The following ADAP1 variants were observed in gnomAD, a reference collection of about 807,000 sequenced individuals.
ADAP1 encodes arf-GAP with dual PH domain-containing protein 1.
Under a neutral mutation model 54.9 loss-of-function variants are expected in ADAP1, and 31 were observed. The ratio of observed to expected loss-of-function variants is 0.56; its 90% CI spans 0.42 to 0.76. The LOEUF is 0.76. ADAP1 is among the 30% of genes least tolerant of loss of function. The pLI is 0.00. For synonymous variants in ADAP1, 313 were observed against 202.6 expected, an observed-to-expected ratio of 1.55 and a Z score of -4.63; for missense variants, 535 against 512.4, an observed-to-expected ratio of 1.04 and a Z score of -0.42.
At position 946,824 on chromosome 7, in the gene ADAP1, T is replaced by C. The variant is rs1025919577; in HGVS notation, c.82+7572A>G. On this transcript the variant is annotated intron_variant, in intron 1 of 10. Coordinates refer to ENST00000265846, the MANE Select transcript of ADAP1 (RefSeq NM_006869.4). This position sits in a 1 kb window ranked among gnomAD's most constrained non-coding sequence, Gnocchi z 4.3. ...GCATGGAGAACGTTCTAAATGCCAC[T>C]GAATTTTCACTTTGAAATGATTAAC... Among the ~76,000 whole-genome samples the C allele has an allele frequency of 3.9e-5, 6 of 152,216 alleles. No individual in the cohort carries two copies. The highest frequency in any genetic ancestry group is 2.0e-4 in the Admixed American group (3 of 15,282).
chr7:927,075 G>T (rs1389503660), intron 2 of ADAP1: 2 of 1,298,114 alleles, frequency 1.5e-6, no homozygotes, highest in Admixed American at 2.4e-5. Flanking sequence ...AGAGCCAACA[G>T]GCGCCAGACA....
At chr7:942,902 T>G (rs374734055) in intron 1 of ADAP1, among the ~76,000 whole-genome samples, 184 of 3,454 alleles carry the variant, frequency 0.053, no homozygotes, top group East Asian at 0.15. Context: ...GGAGAGAGGA[T>G]GAGGAAGGGA....
In ADAP1 at chr7:926,866, C is replaced by A. The variant is rs530176199; in HGVS notation, c.214-222G>T. The stretch of plus-strand genomic sequence containing the variant: ...GGGAAGGAGCCAGCGTCCCTAACGA[C>A]GGGGTCCCGGCAAAGGGGGCCCAGG... On this transcript the variant is annotated intron_variant, in intron 2 of 10. Transcript: ENST00000265846. The surrounding 1 kb of genome is among the most constrained non-coding windows in gnomAD (Gnocchi z 4.6). 1.2e-6 allele frequency: 1 copy of A among 865,388 alleles called. No individual in the cohort carries two copies. The highest frequency in any genetic ancestry group is 2.0e-5 in the South Asian group (1 of 50,096). 53.6% of individuals were successfully genotyped at this position (865,388 alleles called of 1,614,324 possible).
In ADAP1 at chr7:918,259, C is replaced by T. The variant is rs540553361; in HGVS notation, c.388+1709G>A. ...TAAGACAGAGTCTTGCTCTGTCACC[C>T]GGCCTGGAGTGCAGTGGTGCAAACA... On this transcript the variant is annotated intron_variant, in intron 4 of 10. Transcript: ENST00000265846. 1.6e-4 allele frequency among the ~76,000 whole-genome samples: 25 copies of T among 152,348 alleles called. No individual in the cohort carries two copies. In the Middle Eastern group the frequency reaches 0.01, roughly 62 times the overall value.
Position 938,510 on chromosome 7 carries a change from G to A in ADAP1, c.83-3005C>T, listed in dbSNP as rs1846846396. On this transcript the variant is annotated intron_variant, in intron 1 of 10. Transcript: ENST00000265846. The surrounding 1 kb of genome is among the most constrained non-coding windows in gnomAD (Gnocchi z 4.4). The stretch of plus-strand genomic sequence containing the variant: ...AAAGTATTTAGTTACACACACCCCT[G>A]GAGAACAGGTGGGGAAGAACCACAC... 6.6e-6 allele frequency among the ~76,000 whole-genome samples: 1 copy of A among 152,150 alleles called. No individual in the cohort carries two copies. Among genetic ancestry groups the A allele is most frequent in the South Asian group, 2.1e-4 (1 of 4,832 alleles).
chr7:900,679 G>T, intron 6 of ADAP1, 63 bp from the exon 7 acceptor site: 1 of 1,316,908 alleles, frequency 7.6e-7, no homozygotes, highest in Non-Finnish European at 1.1e-6. Context: ...TCCCCACAGA[G>T]GGGCTGGGGT....
chr7:900,426 C>G (rs1041659007), intron 7 of ADAP1, 107 bp downstream of exon 7: 2 of 1,263,518 alleles, frequency 1.6e-6, no homozygotes, highest in African/African-American at 3.0e-5. Context: ...GTCCCAGGCC[C>G]ACCCTAGGGC....
At chr7:949,117 G>C (rs938580256) in intron 1 of ADAP1, among the ~76,000 whole-genome samples, 1 of 152,212 alleles carries the variant, frequency 6.6e-6, no homozygotes, top group Non-Finnish European at 1.5e-5. Context: ...GGTCTGGTCC[G>C]GTCTCCCTGA....
chr7:952,367 G>C (rs560748073), intron 1 of ADAP1, among the ~76,000 whole-genome samples: 1 of 152,158 alleles, frequency 6.6e-6, no homozygotes, highest in Non-Finnish European at 1.5e-5. Context: ...TGCACCAGCC[G>C]TGAGCCAGTG....
chr7:901,175 G>A (rs1289574142), intron 6 of ADAP1: 1 of 371,444 alleles, frequency 2.7e-6, no homozygotes, highest in South Asian at 2.0e-5. Flanking sequence ...CCAGCACCCT[G>A]GAACAGAGGG....
At chr7:925,409 A>T (rs1846348013) in intron 3 of ADAP1, among the ~76,000 whole-genome samples, 1 of 148,064 alleles carries the variant, frequency 6.8e-6, no homozygotes, top group Non-Finnish European at 1.5e-5. Flanking sequence ...GTAGGGTTGC[A>T]GCCGGGAAGT....
intron 2 of ADAP1, among the ~76,000 whole-genome samples, chr7:932,983 T>C (rs1846631192): frequency 6.6e-6 from 1 of 152,124 alleles, no homozygotes; most frequent in African/African-American, 2.4e-5. Context: ...CTCGAATTCC[T>C]TGGCTCAGCC....
At chr7:929,978 T>G (rs909300934) in intron 2 of ADAP1, among the ~76,000 whole-genome samples, 2 of 151,034 alleles carry the variant, frequency 1.3e-5, no homozygotes, top group Admixed American at 1.3e-4. Context: ...GTGGTGCACG[T>G]CTGTAGTTCC....
intron 6 of ADAP1, 117 bp from the exon 7 acceptor site, chr7:900,733 C>T: frequency 1.2e-6 from 1 of 864,826 alleles, no homozygotes; most frequent in Non-Finnish European, 1.8e-6. Context: ...CCCCTTCCTC[C>T]TCCCCGGCAC....
At position 906,637 on chromosome 7, in the gene ADAP1, AGAAAGG is replaced by A. The variant is rs1412430680; in HGVS notation, c.389-1471_389-1466del. Among the ~76,000 whole-genome samples, 7 of 91,596 alleles carry A rather than the reference AGAAAGG, an allele frequency of 7.6e-5. 1 individual carries two copies. The highest frequency in any genetic ancestry group is 3.7e-4 in the African/African-American group (7 of 18,986). The allele number at this position is 91,596 out of a possible 152,430, so 60.1% of individuals were successfully genotyped here. On this transcript the variant is annotated intron_variant, in intron 4 of 10. Coordinates refer to ENST00000265846, the MANE Select transcript of ADAP1 (RefSeq NM_006869.4). ...AAAGGGAAAGGAGAAAGGAGAAAGG[AGAAAGG>A]GAAAGGAGAAAGGGGGCGGGAAAGG...
At chr7:953,067 C>T (rs1267959192) in intron 1 of ADAP1, among the ~76,000 whole-genome samples, 2 of 152,028 alleles carry the variant, frequency 1.3e-5, no homozygotes, top group Non-Finnish European at 2.9e-5. Flanking sequence ...GCTCCCCTCC[C>T]CGTGGGCCAC....
chr7:934,391 G>T (rs945279098), intron 2 of ADAP1, among the ~76,000 whole-genome samples: 16 of 79,596 alleles, frequency 2.0e-4, no homozygotes, highest in African/African-American at 5.8e-4. Context: ...GTGTTGGAGA[G>T]GGGGGGCCCA....
At position 926,943 on chromosome 7, in the gene ADAP1, C is replaced by A. The variant is rs1846411655; in HGVS notation, c.214-299G>T. Reference sequence around the variant, plus strand: ...TGAGGTTTGCCCCACCGTTTCAACCCCCAAGTCCACCCACACCGGGTGTCC... The same window carrying A: ...TGAGGTTTGCCCCACCGTTTCAACCACCAAGTCCACCCACACCGGGTGTCC... On this transcript the variant is annotated intron_variant, in intron 2 of 10. Transcript: ENST00000265846. The surrounding 1 kb of genome is among the most constrained non-coding windows in gnomAD (Gnocchi z 4.6). 8.0e-7 allele frequency: 1 copy of A among 1,256,282 alleles called. No individual in the cohort carries two copies. Among genetic ancestry groups the A allele is most frequent in the Non-Finnish European group, 1.0e-6 (1 of 969,196 alleles). 77.8% of individuals were successfully genotyped at this position (1,256,282 alleles called of 1,614,324 possible).
chr7:935,543 C>T (rs914582239), intron 1 of ADAP1, 38 bp from the exon 2 acceptor site: 1 of 1,551,960 alleles, frequency 6.4e-7, no homozygotes, highest in Non-Finnish European at 8.7e-7. Flanking sequence ...AGGCTCAGCC[C>T]AGGGACCCCG....
Sources: allele counts gnomAD v4.1 joint callset (sites outside exome capture counted in the v4.1 genomes callset), GRCh38; gene constraint gnomAD v4.1.1; non-coding constraint Gnocchi (gnomAD v3.1); transcripts MANE v1.5; gene names NCBI Gene and HGNC (gene_info 2026-07-23, HGNC 2026-07-21).